The following HHLA2 variants were observed in gnomAD, a reference collection of about 807,000 sequenced individuals.
HHLA2 encodes HHLA2 member of B7 family.
In HHLA2, 48 loss-of-function variants were observed where a neutral mutation model predicts 45.9. The observed-to-expected ratio is 1.05, with a 90% confidence interval of 0.83 to 1.33. HHLA2 has a LOEUF of 1.33. Ranked by LOEUF, HHLA2 falls within the 40% of genes most tolerant of loss-of-function variation. HHLA2 has a pLI of 0.00. For missense variants in HHLA2, 462 were observed against 494.3 expected, an observed-to-expected ratio of 0.93 and a Z score of 0.62; for synonymous variants, 161 against 173.9, an observed-to-expected ratio of 0.93 and a Z score of 0.59.
intron 2 of HHLA2, among the ~76,000 whole-genome samples, chr3:108,322,632 T>C (rs1397463535): frequency 2.6e-5 from 4 of 152,166 alleles, no homozygotes; most frequent in African/African-American, 9.7e-5. Flanking sequence ...AAAAACCAAG[T>C]CTACTTATTC....
intron 3 of HHLA2, among the ~76,000 whole-genome samples, chr3:108,340,254 G>T (rs2081540940): frequency 6.6e-6 from 1 of 152,160 alleles, no homozygotes; most frequent in South Asian, 2.1e-4. Context: ...GGTGGTAGCT[G>T]ATCTTTAGAC....
At position 108,357,911 on chromosome 3, in the gene HHLA2, AC is replaced by A. The variant is rs752915188; in HGVS notation, c.755del (p.Pro252GlnfsTer12). The A allele has an allele frequency of 8.4e-5, 136 of 1,613,716 alleles. No homozygotes were observed. Among genetic ancestry groups the A allele is most frequent in the Non-Finnish European group, 1.1e-4 (126 of 1,179,810 alleles). On this transcript the variant is annotated frameshift_variant, in exon 7 of 11. Transcript: ENST00000619531. LOFTEE classifies it high-confidence loss of function. ...GTCAACCTGTAAATGATTATTTTTC[AC>A]CAAACCAAGACTTCAAAGTTACTTG...
chr3:108,327,511 C>T (rs2081307271), intron 2 of HHLA2, among the ~76,000 whole-genome samples: 2 of 152,112 alleles, frequency 1.3e-5, no homozygotes, highest in Admixed American at 1.3e-4. Flanking sequence ...TTTCTCTTTG[C>T]TTCATTCTGA....
At chr3:108,342,900 G>A (rs1441397987) in intron 3 of HHLA2, among the ~76,000 whole-genome samples, 1 of 152,082 alleles carries the variant, frequency 6.6e-6, no homozygotes, top group Non-Finnish European at 1.5e-5. Flanking sequence ...CGTCTTTCCT[G>A]TTTCCTTCCA....
At chr3:108,368,319 G>C (rs2082101146) in intron 8 of HHLA2, among the ~76,000 whole-genome samples, 1 of 151,654 alleles carries the variant, frequency 6.6e-6, no homozygotes, top group African/African-American at 2.4e-5. Flanking sequence ...AAAATAACTA[G>C]CCAGCATCAT....
At chr3:108,341,997 C>T (rs1415641417) in intron 3 of HHLA2, among the ~76,000 whole-genome samples, 3 of 152,168 alleles carry the variant, frequency 2.0e-5, no homozygotes, top group Non-Finnish European at 2.9e-5. Flanking sequence ...AATTTAGAGG[C>T]TCTCACTTCC....
intron 2 of HHLA2, among the ~76,000 whole-genome samples, chr3:108,314,700 T>C (rs546648592): frequency 6.6e-6 from 1 of 152,342 alleles, no homozygotes; most frequent in East Asian, 1.9e-4. Context: ...ACTTCATCGA[T>C]TGATGTGTGG....
chr3:108,329,516 C>T (rs2081347706), intron 3 of HHLA2, among the ~76,000 whole-genome samples: 1 of 152,112 alleles, frequency 6.6e-6, no homozygotes, highest in Non-Finnish European at 1.5e-5. Context: ...TGGACAGAGA[C>T]CCAAAATGTT....
intron 10 of HHLA2, chr3:108,376,767 C>A: frequency 2.1e-6 from 1 of 466,714 alleles, no homozygotes; most frequent in Non-Finnish European, 3.8e-6. Flanking sequence ...TGCTTAAATA[C>A]ATGGTTGTTC....
Position 108,375,759 on chromosome 3 carries a change from A to G in HHLA2, c.1118A>G (p.Glu373Gly), listed in dbSNP as rs2082265207. The change falls in exon 9 of 11, where the codon GAA (glutamate) becomes GGA (glycine). Residue 373 changes from glutamate to glycine, a missense_variant. Coordinates refer to ENST00000619531, the Ensembl canonical transcript of HHLA2. ...TGTCTCTGATCTACAGCCCAGCTAG[A>G]AGCCAGGAGGAGCAGACACCCTGCT... 3 of 1,611,106 alleles carry G rather than the reference A, an allele frequency of 1.9e-6. No homozygotes were observed. The African/African-American group carries it at 4.0e-5, about 21-fold the overall frequency.
intron 3 of HHLA2, 37 bp from the exon 3 acceptor site, chr3:108,351,751 A>T: frequency 7.4e-7 from 1 of 1,342,608 alleles, no homozygotes; most frequent in Non-Finnish European, 1.1e-6. Flanking sequence ...TTTGCATTTT[A>T]AATCCATAAC....
chr3:108,356,805 G>A (rs2081901350), intron 6 of HHLA2, among the ~76,000 whole-genome samples: 1 of 152,082 alleles, frequency 6.6e-6, no homozygotes, highest in South Asian at 2.1e-4. Flanking sequence ...ATTAAACTAG[G>A]AACATAGCTT....
chr3:108,331,438 C>A (rs774881985), intron 3 of HHLA2, among the ~76,000 whole-genome samples: 1 of 152,082 alleles, frequency 6.6e-6, no homozygotes, highest in Non-Finnish European at 1.5e-5. Flanking sequence ...TATTGCAGAA[C>A]CATTTGAAAG....
intron 10 of HHLA2, chr3:108,376,794 T>C (rs933853838): frequency 1.1e-4 from 48 of 428,484 alleles, no homozygotes; most frequent in Non-Finnish European, 1.8e-4. Flanking sequence ...TCTCCTATTG[T>C]TATTTGTAGA....
chr3:108,323,070 A>G (rs1464359662), intron 2 of HHLA2, among the ~76,000 whole-genome samples: 1 of 140,714 alleles, frequency 7.1e-6, no homozygotes. Context: ...GTTTGTTTTG[A>G]CCTCACCTCT....
At chr3:108,324,651 A>G (rs2081258388) in intron 2 of HHLA2, among the ~76,000 whole-genome samples, 2 of 152,198 alleles carry the variant, frequency 1.3e-5, no homozygotes, top group Non-Finnish European at 2.9e-5. Flanking sequence ...CTTTAGTGTT[A>G]TACCTAGGTG....
chr3:108,362,259 C>A (rs1576170926), intron 7 of HHLA2, 83 bp from the exon 7 acceptor site: 2 of 949,110 alleles, frequency 2.1e-6, no homozygotes, highest in East Asian at 2.6e-5. Context: ...AGTAAACATA[C>A]TCCACCCTTA....
In HHLA2 at chr3:108,377,173, CACT is replaced by C; in HGVS notation, c.1225-80_1225-78del. On this transcript the variant is annotated intron_variant, in intron 10 of 10. Transcript: ENST00000619531. ...AAGCTTTTTGCCGCCCACCCCAAAACACTACTATCAATAAATATTTAAGATATA... is the reference window on the plus strand; with the variant it reads ...AAGCTTTTTGCCGCCCACCCCAAAACACTATCAATAAATATTTAAGATATA... 8.6e-6 allele frequency: 8 copies of C among 926,302 alleles called. No homozygotes were observed. The Admixed American group carries it at 1.8e-4, about 21-fold the overall frequency. 57.4% of individuals were successfully genotyped at this position (926,302 alleles called of 1,614,324 possible).
chr3:108,304,646 A>G (rs2080899814), intron 1 of HHLA2, among the ~76,000 whole-genome samples: 3 of 152,228 alleles, frequency 2.0e-5, no homozygotes, highest in Admixed American at 2.0e-4. Context: ...AATATATTAG[A>G]AAGGACTTTC....
Sources: allele counts gnomAD v4.1 joint callset (sites outside exome capture counted in the v4.1 genomes callset), GRCh38; gene constraint gnomAD v4.1.1; transcripts MANE v1.5; gene names NCBI Gene and HGNC (gene_info 2026-07-23, HGNC 2026-07-21).